Variants in PDE1A observed in about 807,000 individuals in gnomAD.
PDE1A encodes the protein phosphodiesterase 1A.
In PDE1A, 35 loss-of-function variants were observed where a neutral mutation model predicts 61.7. The observed-to-expected ratio is 0.57, with a 90% confidence interval of 0.43 to 0.75. PDE1A has a LOEUF of 0.75. PDE1A is among the 30% of genes least tolerant of loss of function. The pLI is 0.00. For missense variants in PDE1A, 597 were observed against 630.6 expected (o/e 0.95, Z 0.57); for synonymous variants, 232 against 213.2 (o/e 1.09, Z -0.77).
intron 2 of PDE1A, among the ~76,000 whole-genome samples, chr2:182,517,166 C>T (rs547939342): frequency 6.6e-6 from 1 of 152,256 alleles, no homozygotes; most frequent in East Asian, 1.9e-4. Context: ...AATGTTAGAG[C>T]TAGGTATATC....
intron 7 of PDE1A, among the ~76,000 whole-genome samples, chr2:182,220,594 T>A (rs149515041): frequency 9.7e-4 from 148 of 152,198 alleles, no homozygotes; most frequent in African/African-American, 3.4e-3. Flanking sequence ...ACATCCAGTA[T>A]CCATGGTAAC....
At chr2:182,180,542 A>C (rs527771934) in intron 13 of PDE1A, among the ~76,000 whole-genome samples, 26 of 152,136 alleles carry the variant, frequency 1.7e-4, no homozygotes, top group African/African-American at 6.0e-4. Context: ...TCAACCTTGG[A>C]GAATCTGAAA....
At chr2:182,657,702 T>C in the PDE1A span, among the ~76,000 whole-genome samples, 1 of 152,194 alleles carries the variant, frequency 6.6e-6, no homozygotes, top group Non-Finnish European at 1.5e-5. Flanking sequence ...TAAATATTAA[T>C]AATGAAAAAT....
At chr2:182,637,012 T>C in the PDE1A span, among the ~76,000 whole-genome samples, 1 of 152,224 alleles carries the variant, frequency 6.6e-6, no homozygotes, top group African/African-American at 2.4e-5. Flanking sequence ...GCCACATCTC[T>C]CTAACTCCGC....
In PDE1A at chr2:182,480,129, T is replaced by C. The variant is rs137917624; in HGVS notation, c.101+42147A>G. On this transcript the variant is annotated intron_variant, in intron 2 of 14. Coordinates refer to the PDE1A transcript ENST00000410103. Reference sequence around the variant, plus strand: ...TCTTGATCAACAGTGTTTTCAGGTATGACTGCTAAAGCAAAGAAGAGTTTC... The same window carrying C: ...TCTTGATCAACAGTGTTTTCAGGTACGACTGCTAAAGCAAAGAAGAGTTTC... Among the ~76,000 whole-genome samples the C allele has an allele frequency of 6.2e-3, 947 of 152,050 alleles. 5 individuals are homozygous for C. The highest frequency in any genetic ancestry group is 9.5e-3 in the Non-Finnish European group (644 of 67,912).
intron 2 of PDE1A, chr2:182,463,777 T>C (rs1030322437): frequency 1.3e-5 from 2 of 152,186 alleles, no homozygotes; most frequent in African/African-American, 4.8e-5. Flanking sequence ...TAAAATAATA[T>C]GCAAAATATG....
chr2:182,421,890 G>T (rs1046395127), intron 1 of PDE1A, among the ~76,000 whole-genome samples: 16 of 152,286 alleles, frequency 1.1e-4, no homozygotes, highest in African/African-American at 3.9e-4. Context: ...AAATTAGGAT[G>T]TGCTTTTCTT....
At chr2:182,575,526 G>T in the PDE1A span, among the ~76,000 whole-genome samples, 2 of 151,566 alleles carry the variant, frequency 1.3e-5, no homozygotes, top group African/African-American at 2.4e-5. Flanking sequence ...AATGCCACAG[G>T]AACAGGAAGC....
At chr2:182,577,450 A>G in the PDE1A span, among the ~76,000 whole-genome samples, 3 of 152,246 alleles carry the variant, frequency 2.0e-5, no homozygotes, top group Admixed American at 2.0e-4. Context: ...TCGGACAGCC[A>G]GATGTCTTAG....
At chr2:182,365,098 G>A (rs1699763652) in intron 1 of PDE1A, among the ~76,000 whole-genome samples, 2 of 151,996 alleles carry the variant, frequency 1.3e-5, no homozygotes, top group East Asian at 3.9e-4. Flanking sequence ...CTAATTCTAA[G>A]TACAAATCTA....
At chr2:182,629,017 C>T in the PDE1A span, among the ~76,000 whole-genome samples, 1 of 152,170 alleles carries the variant, frequency 6.6e-6, no homozygotes. Context: ...AGCAAACAGA[C>T]ATGCCAGAAC....
chr2:182,387,270 A>G (rs1462909728), intron 1 of PDE1A, among the ~76,000 whole-genome samples: 5 of 152,316 alleles, frequency 3.3e-5, no homozygotes, highest in African/African-American at 1.2e-4. Flanking sequence ...ACGCAGGGAC[A>G]CAAACACTGC....
intron 2 of PDE1A, among the ~76,000 whole-genome samples, chr2:182,450,637 G>A (rs1268966684): frequency 6.6e-6 from 1 of 151,560 alleles, no homozygotes; most frequent in Non-Finnish European, 1.5e-5. Flanking sequence ...ATCAAATCAG[G>A]CTTGTTCCTT....
At chr2:182,687,883 C>T in the PDE1A span, among the ~76,000 whole-genome samples, 1 of 152,106 alleles carries the variant, frequency 6.6e-6, no homozygotes, top group African/African-American at 2.4e-5. Flanking sequence ...GCGATGAATG[C>T]AAAAGCTTCG....
At chr2:182,156,561 A>T (rs1481297167) in intron 13 of PDE1A, among the ~76,000 whole-genome samples, 2 of 152,226 alleles carry the variant, frequency 1.3e-5, no homozygotes, top group African/African-American at 4.8e-5. Flanking sequence ...CAGTTGGGAA[A>T]TGTGGAGTAA....
At chr2:182,552,743 G>C in the PDE1A span, among the ~76,000 whole-genome samples, 1 of 152,144 alleles carries the variant, frequency 6.6e-6, no homozygotes, top group Admixed American at 6.5e-5. Context: ...CAAGGATCGG[G>C]ATATAAACCC....
In PDE1A at chr2:182,422,545, A is replaced by C. The variant is rs771208025; in HGVS notation, c.53+4033T>G. Among the ~76,000 whole-genome samples, 6 of 152,322 alleles carry C rather than the reference A, an allele frequency of 3.9e-5. No individual in the cohort carries two copies. In the South Asian group the frequency reaches 8.3e-4, roughly 21 times the overall value. On this transcript the variant is annotated intron_variant, in intron 1 of 13. Transcript: ENST00000351439. ...CAGATTTTTCTTGGCCTCATAGTCTAAGGTTGATTTATCACAAGGGAATAT... is the reference window on the plus strand; with the variant it reads ...CAGATTTTTCTTGGCCTCATAGTCTCAGGTTGATTTATCACAAGGGAATAT...
At chr2:182,337,493 AACATGT>A (rs1697911974) in intron 1 of PDE1A, among the ~76,000 whole-genome samples, 1 of 152,214 alleles carries the variant, frequency 6.6e-6, no homozygotes, top group Non-Finnish European at 1.5e-5. Context: ...TTTGGTAAAT[AACATGT>A]CATTTCATCT....
chr2:182,398,818 T>A (rs900031663), intron 1 of PDE1A, among the ~76,000 whole-genome samples: 1 of 152,078 alleles, frequency 6.6e-6, no homozygotes, highest in East Asian at 1.9e-4. Context: ...CTTTTAGAAA[T>A]CTTAAATTTC....
Sources: allele counts gnomAD v4.1 joint callset (sites outside exome capture counted in the v4.1 genomes callset), GRCh38; gene constraint gnomAD v4.1.1; transcripts MANE v1.5; gene names NCBI Gene and HGNC (gene_info 2026-07-23, HGNC 2026-07-21).